The following GDAP1 variants were observed in gnomAD, a reference collection of about 807,000 sequenced individuals.
GDAP1 encodes ganglioside induced differentiation associated protein 1.
GDAP1 carries 34 observed loss-of-function variants against 40.1 expected under a neutral mutation model. The observed-to-expected ratio is 0.85, with a 90% CI of 0.64 to 1.13. The LOEUF (loss-of-function observed/expected upper bound fraction) is 1.13. GDAP1 is among the 50% of genes most tolerant of loss of function. The pLI, the probability that GDAP1 is intolerant of heterozygous loss-of-function variation, is 0.00. For missense variants in GDAP1, 374 were observed against 433.7 expected (o/e 0.86, Z 1.22); for synonymous variants, 170 against 157.4 (o/e 1.08, Z -0.60).
At chr8:74,482,672 C>G (rs1437255932) in intron 2 of GDAP1, among the ~76,000 whole-genome samples, 2 of 152,262 alleles carry the variant, frequency 1.3e-5, no homozygotes, top group African/African-American at 2.4e-5. Flanking sequence ...AGGTTTCTTT[C>G]TCCACGACAC....
intron 2 of GDAP1, among the ~76,000 whole-genome samples, chr8:74,481,803 G>C (rs1363066075): frequency 6.6e-6 from 1 of 152,104 alleles, no homozygotes. Context: ...TAAGGAGAAG[G>C]GGGCTAAAAA....
At chr8:74,442,076 T>C (rs1806169031) in intron 2 of GDAP1, among the ~76,000 whole-genome samples, 1 of 152,262 alleles carries the variant, frequency 6.6e-6, no homozygotes, top group South Asian at 2.1e-4. Context: ...CTTCACAGAT[T>C]GTAAAAACTG....
At chr8:74,477,637 C>A (rs1399871324) in intron 2 of GDAP1, among the ~76,000 whole-genome samples, 2 of 152,120 alleles carry the variant, frequency 1.3e-5, no homozygotes, top group African/African-American at 4.8e-5. Context: ...TCTCTGGCTC[C>A]TTAAGGTTAG....
intron 2 of GDAP1, among the ~76,000 whole-genome samples, chr8:74,353,082 A>C (rs1808953024): frequency 6.6e-6 from 1 of 152,172 alleles, no homozygotes; most frequent in Non-Finnish European, 1.5e-5. Context: ...AATTTTCCTT[A>C]GTCTTTCTCT....
intron 2 of GDAP1, among the ~76,000 whole-genome samples, chr8:74,440,559 A>T (rs1411731624): frequency 1.3e-5 from 2 of 151,112 alleles, no homozygotes; most frequent in Admixed American, 6.6e-5. Flanking sequence ...TTGAGTCAGC[A>T]TATACCCAGA....
intron 2 of GDAP1, among the ~76,000 whole-genome samples, chr8:74,356,716 A>ATATATATATATATTTTTTTTTTT (rs375377157): frequency 9.6e-6 from 1 of 104,362 alleles, no homozygotes; most frequent in African/African-American, 4.1e-5. Flanking sequence ...ATATATATAT[A>ATATATATATATATTTTTTTTTTT]TTTTTTTTTT....
Position 74,411,783 on chromosome 8 carries a change from G to T in GDAP1, c.165+60462G>T, listed in dbSNP as rs936736927. Among the ~76,000 whole-genome samples the T allele has an allele frequency of 1.7e-4, 26 of 149,198 alleles. 2 individuals are homozygous for T. The highest frequency in any genetic ancestry group is 6.7e-4 in the African/African-American group (26 of 38,752). On this transcript the variant is annotated intron_variant, in intron 2 of 2. Coordinates refer to the GDAP1 transcript ENST00000523640. Reference sequence around the variant, plus strand: ...TGTAGTCCTAGCTACTTGGGACACTGAGGTAGGAGGATCACTTGAGCCTGG... The same window carrying T: ...TGTAGTCCTAGCTACTTGGGACACTTAGGTAGGAGGATCACTTGAGCCTGG...
chr8:74,383,937 C>T (rs1197260136), intron 2 of GDAP1, among the ~76,000 whole-genome samples: 1 of 152,030 alleles, frequency 6.6e-6, no homozygotes, highest in Admixed American at 6.6e-5. Flanking sequence ...GAAGTAAGAT[C>T]GTTTAAGTCT....
chr8:74,396,255 T>G (rs1443184124), intron 2 of GDAP1, among the ~76,000 whole-genome samples: 5 of 151,994 alleles, frequency 3.3e-5, no homozygotes, highest in African/African-American at 1.2e-4. Context: ...CCCGTGAAAT[T>G]TATTGGTTTC....
At chr8:74,383,227 T>TG (rs1194444600) in intron 2 of GDAP1, among the ~76,000 whole-genome samples, 1 of 152,200 alleles carries the variant, frequency 6.6e-6, no homozygotes, top group African/African-American at 2.4e-5. Context: ...AAAATTGGGT[T>TG]GGGGGAAATC....
At chr8:74,388,263 G>C (rs1284327046) in intron 2 of GDAP1, among the ~76,000 whole-genome samples, 1 of 152,060 alleles carries the variant, frequency 6.6e-6, no homozygotes, top group Non-Finnish European at 1.5e-5. Context: ...TGTTTTAATT[G>C]TGATGTTAGG....
At position 74,365,907 on chromosome 8, in the gene GDAP1, G is replaced by C. The variant is rs1365001952; in HGVS notation, c.*1540G>C. ...GTCATATGGAGTGTCTGAATCTGTT[G>C]CTGGGACATACCAATCCATGTATTC... On this transcript the variant is annotated 3_prime_UTR_variant, in exon 6 of 6. Transcript: ENST00000220822. 2.2e-6 allele frequency: 1 copy of C among 454,014 alleles called. No homozygotes were observed. Among genetic ancestry groups the C allele is most frequent in the African/African-American group, 2.0e-5 (1 of 49,990 alleles). 28.1% of individuals were successfully genotyped at this position (454,014 alleles called of 1,614,324 possible). A position where few individuals can be genotyped will look rare whatever the true frequency, so the allele number is the denominator to read the frequency against.
downstream of GDAP1, among the ~76,000 whole-genome samples, chr8:74,370,851 G>A (rs1172866309): frequency 6.6e-6 from 1 of 152,170 alleles, no homozygotes; most frequent in Admixed American, 6.5e-5. Context: ...AGAAAAAGTG[G>A]AGTTTAAGAC....
At chr8:74,382,740 T>G (rs4471028) in intron 2 of GDAP1, among the ~76,000 whole-genome samples, 55,259 of 151,892 alleles carry the variant, frequency 0.36, 10,487 homozygotes, top group Middle Eastern at 0.46. Flanking sequence ...ATAATCTGGA[T>G]GAGATTGTAA....
intron 2 of GDAP1, among the ~76,000 whole-genome samples, chr8:74,399,755 G>T (rs1198401620): frequency 8.4e-6 from 1 of 119,472 alleles, no homozygotes; most frequent in Non-Finnish European, 1.6e-5. Context: ...TTGTGTCTTT[G>T]TTCTCGTTGG....
At chr8:74,487,724 G>A (rs1380746124) in intron 2 of GDAP1, among the ~76,000 whole-genome samples, 2 of 152,034 alleles carry the variant, frequency 1.3e-5, no homozygotes, top group Non-Finnish European at 2.9e-5. Context: ...AGGTCATTTA[G>A]GCCAAGAGAT....
chr8:74,354,029 C>A (rs959750786), intron 2 of GDAP1, among the ~76,000 whole-genome samples: 3 of 151,966 alleles, frequency 2.0e-5, no homozygotes, highest in African/African-American at 2.4e-5. Flanking sequence ...AGAACATTTG[C>A]GATTACGTTA....
downstream of GDAP1, among the ~76,000 whole-genome samples, chr8:74,370,906 GAATT>G (rs923006943): frequency 6.6e-6 from 1 of 152,146 alleles, no homozygotes; most frequent in African/African-American, 2.4e-5. Flanking sequence ...AATCACAAAA[GAATT>G]TATTAGGAAG....
chr8:74,397,200 T>G (rs28781994), intron 2 of GDAP1, among the ~76,000 whole-genome samples: 949 of 26,480 alleles, frequency 0.036, 9 homozygotes, highest in African/African-American at 0.16. Flanking sequence ...TTTTGATGGG[T>G]TTTTTTTTTT....
Sources: allele counts gnomAD v4.1 joint callset (sites outside exome capture counted in the v4.1 genomes callset), GRCh38; gene constraint gnomAD v4.1.1; transcripts MANE v1.5; gene names NCBI Gene and HGNC (gene_info 2026-07-23, HGNC 2026-07-21).